C22orf15: variants seen among roughly 807,000 people sequenced by gnomAD.
C22orf15 encodes the protein uncharacterized protein C22orf15.
In C22orf15, 21 loss-of-function variants were observed where a neutral mutation model predicts 20.3. The ratio of observed to expected loss-of-function variants is 1.04; its 90% confidence interval spans 0.74 to 1.49. The LOEUF (loss-of-function observed/expected upper bound fraction) is 1.49. C22orf15 is among the 40% of genes most tolerant of loss of function. C22orf15 has a pLI of 0.00. For synonymous variants in C22orf15, 78 were observed against 75.4 expected, an observed-to-expected ratio of 1.03 and a Z score of -0.18; for missense variants, 170 against 191.1, an observed-to-expected ratio of 0.89 and a Z score of 0.65.
Position 23,764,905 on chromosome 22 carries a change from G to A in C22orf15, c.435+3G>A, listed in dbSNP as rs1328330700. 2.5e-6 allele frequency: 4 copies of A among 1,606,818 alleles called. No homozygotes were observed. The highest frequency in any genetic ancestry group is 2.6e-6 in the Non-Finnish European group (3 of 1,175,602). ...GCCCCACTTCAAGGCCCAGAAAGGT[G>A]AGCTCCCTGCCACCCAGGAGTTGCT... is the stretch of plus-strand genomic sequence containing the variant. On this transcript the variant is annotated splice_donor_region_variant and intron_variant, in intron 5 of 5. Coordinates refer to ENST00000402217, the MANE Select transcript of C22orf15 (RefSeq NM_182520.3).
rs1926719181 is a variant in C22orf15 at position 23,765,831 on chromosome 22, G to A, written c.*99G>A. 2 of 1,529,966 alleles carry A rather than the reference G, an allele frequency of 1.3e-6. No homozygotes were observed. Among genetic ancestry groups the A allele is most frequent in the Non-Finnish European group, 8.9e-7 (1 of 1,128,714 alleles). 94.8% of individuals were successfully genotyped at this position (1,529,966 alleles called of 1,614,324 possible). On this transcript the variant is annotated 3_prime_UTR_variant, in exon 6 of 6. Transcript: ENST00000402217. ...AGGCCATCGAGAGAGGCACACAACA[G>A]GCTGTGGTCTAAAATAAACTTTTAA...
intron 1 of C22orf15, 131 bp from the exon 2 acceptor site, chr22:23,763,956 C>A: frequency 2.4e-6 from 2 of 818,300 alleles, no homozygotes; most frequent in Non-Finnish European, 3.9e-6. Flanking sequence ...GCTGTTATGC[C>A]CGGGGCACAG....
Position 23,765,131 on chromosome 22 carries a change from G to T in C22orf15, c.435+229G>T, listed in dbSNP as rs186554866. ...CCACGGGAGTGCCAGCGCACTAAGG[G>T]CCGGAATGTCCTCAGGCTTCACAGA... On this transcript the variant is annotated intron_variant, in intron 5 of 5. Coordinates refer to ENST00000402217, the MANE Select transcript of C22orf15 (RefSeq NM_182520.3). 4.9e-6 allele frequency: 7 copies of T among 1,435,096 alleles called. No individual in the cohort carries two copies. In the African/African-American group the frequency reaches 1.0e-4, roughly 21 times the overall value. The allele number at this position is 1,435,096 out of a possible 1,614,324, so 88.9% of individuals were successfully genotyped here.
In C22orf15 at chr22:23,764,587, A is replaced by G. The variant is rs569317011; in HGVS notation, c.251-52A>G. ...ACAGTTCCAGAGTGAGAGGCAGAGTAGGGACCATTAGGCCAGTCAGGTGTC... is the reference window on the plus strand; with the variant it reads ...ACAGTTCCAGAGTGAGAGGCAGAGTGGGGACCATTAGGCCAGTCAGGTGTC... On this transcript the variant is annotated intron_variant, in intron 3 of 5. Transcript: ENST00000402217. The G allele has an allele frequency of 1.4e-5, 22 of 1,593,102 alleles. No individual in the cohort carries two copies. In the East Asian group the frequency reaches 4.5e-4, roughly 32 times the overall value.
rs1926709868 is a variant in C22orf15 at position 23,765,749 on chromosome 22, C to G, written c.*17C>G. Reference sequence around the variant, plus strand: ...CCTGATTAAGGGGATGGATTGCACACTGTAGTGAGACATCCATCCTGACCC... The same window carrying G: ...CCTGATTAAGGGGATGGATTGCACAGTGTAGTGAGACATCCATCCTGACCC... On this transcript the variant is annotated 3_prime_UTR_variant, in exon 6 of 6. Coordinates refer to ENST00000402217, the MANE Select transcript of C22orf15 (RefSeq NM_182520.3). The G allele has an allele frequency of 6.4e-7, 1 of 1,550,712 alleles. No homozygotes were observed. The highest frequency in any genetic ancestry group is 8.7e-7 in the Non-Finnish European group (1 of 1,146,600).
At chr22:23,763,938 AT>A in intron 1 of C22orf15, 148 bp from the exon 2 acceptor site, 2 of 704,640 alleles carry the variant, frequency 2.8e-6, no homozygotes, top group South Asian at 3.6e-5. Context: ...TAAGCAACAG[AT>A]GTTGGAGCTG....
chr22:23,763,579 A>G (rs1035776413), intron 1 of C22orf15, among the ~76,000 whole-genome samples: 2 of 152,250 alleles, frequency 1.3e-5, no homozygotes, highest in Non-Finnish European at 2.9e-5. Flanking sequence ...AGACCGCCGC[A>G]TTACCCTGGA....
chr22:23,764,095 T>G lies in C22orf15; in HGVS notation c.34T>G (p.Ser12Ala). ...TTTGCCCCTCTCCACAGCTGGCTGC[T>G]CGGTGCTGGTGAACACCTCTTGCAG... ...FIKVMFGAGC[S>A]VLVNTSCRLV... is the part of the protein sequence containing the mutation. The change falls in exon 2 of 6, where the codon TCG (serine) becomes GCG (alanine). Residue 12 changes from serine to alanine, a missense_variant. Ser to Ala is a moderately conservative substitution (Grantham distance 99). Transcript: ENST00000402217. 5 of 1,550,714 alleles carry G rather than the reference T, an allele frequency of 3.2e-6. No individual in the cohort carries two copies. The highest frequency in any genetic ancestry group is 4.4e-6 in the Non-Finnish European group (5 of 1,146,976).
Position 23,764,097 on chromosome 22 carries a change from G to T in C22orf15, c.36G>T (p.Ser12=), listed in dbSNP as rs538706829. ...FIKVMFGAGC[S]VLVNTSCRLV... ...TGCCCCTCTCCACAGCTGGCTGCTC[G>T]GTGCTGGTGAACACCTCTTGCAGGC... Residue 12 remains serine (S), a synonymous_variant, in exon 2 of 6, where the codon TCG becomes TCT. Transcript: ENST00000402217. The T allele has an allele frequency of 6.4e-7, 1 of 1,550,742 alleles. No homozygotes were observed. The highest frequency in any genetic ancestry group is 2.4e-5 in the East Asian group (1 of 40,920).
At chr22:23,765,575 G>C (rs1926663813) in intron 5 of C22orf15, 146 bp from the exon 6 acceptor site, 1 of 1,524,010 alleles carries the variant, frequency 6.6e-7, no homozygotes, top group Non-Finnish European at 8.8e-7. Flanking sequence ...GGGAGACCAT[G>C]GGTTCATCCT....
chr22:23,763,211 G>A lies in C22orf15; in HGVS notation c.-96G>A. The A allele has an allele frequency of 4.0e-6, 6 of 1,506,294 alleles. No homozygotes were observed. Among genetic ancestry groups the A allele is most frequent in the Non-Finnish European group, 5.4e-6 (6 of 1,111,004 alleles). The allele number at this position is 1,506,294 out of a possible 1,614,324, so 93.3% of individuals were successfully genotyped here. On this transcript the variant is annotated 5_prime_UTR_variant, in exon 1 of 6. Coordinates refer to ENST00000402217, the MANE Select transcript of C22orf15 (RefSeq NM_182520.3). ...CATCCACTTCTCCCTCCAGAGCCCGGCCCTGAAGCAGGTCTCTGCTCCACG... is the reference window on the plus strand; with the variant it reads ...CATCCACTTCTCCCTCCAGAGCCCGACCCTGAAGCAGGTCTCTGCTCCACG...
Position 23,765,708 on chromosome 22 carries a change from C to A in C22orf15, c.436-13C>A. 1 of 1,548,568 alleles carries A rather than the reference C, an allele frequency of 6.5e-7. No individual in the cohort carries two copies. The highest frequency in any genetic ancestry group is 1.2e-5 in the South Asian group (1 of 83,514). On this transcript the variant is annotated splice_polypyrimidine_tract_variant and intron_variant, in intron 5 of 5. Coordinates refer to ENST00000402217, the MANE Select transcript of C22orf15 (RefSeq NM_182520.3). ...CAGTGCAGATTGCAACAGGGCTCCTCCTCCCCACCCAGGGCCCTGATTAAG... is the reference window on the plus strand; with the variant it reads ...CAGTGCAGATTGCAACAGGGCTCCTACTCCCCACCCAGGGCCCTGATTAAG...
intron 5 of C22orf15, chr22:23,765,221 G>A (rs1926571229): frequency 6.9e-7 from 1 of 1,454,574 alleles, no homozygotes; most frequent in African/African-American, 1.4e-5. Flanking sequence ...CTCAATGAAG[G>A]CGGCAGCATG....
chr22:23,764,577 G>A lies in C22orf15; in HGVS notation c.251-62G>A, dbSNP rs148288019. ...GGACTAGCAAACAGTTCCAGAGTGA[G>A]AGGCAGAGTAGGGACCATTAGGCCA... On this transcript the variant is annotated intron_variant, in intron 3 of 5. Coordinates refer to ENST00000402217, the MANE Select transcript of C22orf15 (RefSeq NM_182520.3). 1.1e-5 allele frequency: 18 copies of A among 1,586,744 alleles called. No individual in the cohort carries two copies. In the South Asian group the frequency reaches 2.0e-4, roughly 18 times the overall value.
rs138492602 is a variant in C22orf15, at chr22:23,763,010, C to T, written c.-297C>T. On this transcript the variant is annotated 5_prime_UTR_variant, in exon 1 of 6. Transcript: ENST00000402217. ...TGCCTAGATGTCTCCGCCCCCACTG[C>T]CATGGAGACCAGCTTGGAAGCTTAG... 334 of 462,676 alleles carry T rather than the reference C, an allele frequency of 7.2e-4. 6 individuals are homozygous for T. In the East Asian group the frequency reaches 0.013, roughly 19 times the overall value. The allele number at this position is 462,676 out of a possible 1,614,324, so 28.7% of individuals were successfully genotyped here. A position where few individuals can be genotyped will look rare whatever the true frequency, so the allele number is the denominator to read the frequency against.
At chr22:23,765,467 G>A (rs1208610221) in intron 5 of C22orf15, 1 of 1,550,878 alleles carries the variant, frequency 6.4e-7, no homozygotes, top group African/African-American at 1.4e-5. Flanking sequence ...GGTCAGACAG[G>A]ATTTGAGGCC....
At position 23,763,201 on chromosome 22, in the gene C22orf15, C is replaced by T; in HGVS notation, c.-106C>T. 1 of 1,471,474 alleles carries T rather than the reference C, an allele frequency of 6.8e-7. No homozygotes were observed. Among genetic ancestry groups the T allele is most frequent in the Non-Finnish European group, 9.3e-7 (1 of 1,080,960 alleles). The allele number at this position is 1,471,474 out of a possible 1,614,324, so 91.2% of individuals were successfully genotyped here. A position where few individuals can be genotyped will look rare whatever the true frequency, so the allele number is the denominator to read the frequency against. ...CACACTCACACATCCACTTCTCCCT[C>T]CAGAGCCCGGCCCTGAAGCAGGTCT... On this transcript the variant is annotated 5_prime_UTR_variant, in exon 1 of 6. Transcript: ENST00000402217.
chr22:23,763,352 T>C, intron 1 of C22orf15, 21 bp downstream of exon 1: 2 of 1,543,880 alleles, frequency 1.3e-6, no homozygotes, highest in Non-Finnish European at 1.7e-6. Context: ...TCCCCTGTCT[T>C]GGTAGGCGGA....
intron 5 of C22orf15, chr22:23,765,267 G>A (rs562845218): frequency 6.6e-7 from 1 of 1,507,736 alleles, no homozygotes; most frequent in African/African-American, 1.4e-5. Context: ...GGTTTGAAGG[G>A]CTTGTTCTTC....
Sources: gnomAD v4.1 joint callset for allele counts (sites outside exome capture counted in the v4.1 genomes callset) on GRCh38, gnomAD v4.1.1 for gene constraint, MANE v1.5 for transcripts, NCBI Gene and HGNC (gene_info 2026-07-23, HGNC 2026-07-21) for gene names.